The following LINGO2 variants were observed in gnomAD, a reference collection of about 807,000 sequenced individuals.
LINGO2 encodes leucine-rich repeat and immunoglobulin-like domain-containing nogo receptor-interacting protein 2.
Under a neutral mutation model 30.6 loss-of-function variants are expected in LINGO2, and 14 were observed. That is an observed-to-expected ratio of 0.46 (90% CI 0.30 to 0.72). The LOEUF is 0.72. LINGO2 is among the 30% of genes least tolerant of loss of function. LINGO2 has a pLI of 0.07. For missense variants in LINGO2, 729 were observed against 751.7 expected, an observed-to-expected ratio of 0.97 and a Z score of 0.35; for synonymous variants, 317 against 288.5, an observed-to-expected ratio of 1.10 and a Z score of -1.00.
chr9:28,749,949 T>C, the LINGO2 span, among the ~76,000 whole-genome samples: 1 of 152,104 alleles, frequency 6.6e-6, no homozygotes, highest in Non-Finnish European at 1.5e-5. Flanking sequence ...GTACTTACAC[T>C]GTCAAGCTAA....
At chr9:29,147,287 A>T in the LINGO2 span, among the ~76,000 whole-genome samples, 1 of 152,086 alleles carries the variant, frequency 6.6e-6, no homozygotes, top group South Asian at 2.1e-4. Context: ...TTGTGATTCA[A>T]ATATCTGTGT....
chr9:28,310,037 T>G (rs1326320173), intron 3 of LINGO2, among the ~76,000 whole-genome samples: 1 of 152,258 alleles, frequency 6.6e-6, no homozygotes, highest in South Asian at 2.1e-4. Context: ...GAAGCTAAAC[T>G]TTTATACAGT....
chr9:28,518,909 C>T (rs887913292), intron 1 of LINGO2, among the ~76,000 whole-genome samples: 5 of 152,148 alleles, frequency 3.3e-5, no homozygotes, highest in Non-Finnish European at 7.4e-5. Context: ...ATTCTACTGG[C>T]CTGGATTTAT....
At chr9:28,424,148 G>A (rs960644445) in intron 2 of LINGO2, among the ~76,000 whole-genome samples, 1 of 152,116 alleles carries the variant, frequency 6.6e-6, no homozygotes, top group Non-Finnish European at 1.5e-5. Flanking sequence ...AGCCATGACA[G>A]ATTGTGAAAA....
intron 4 of LINGO2, among the ~76,000 whole-genome samples, chr9:28,137,726 A>G (rs16912518): frequency 0.076 from 11,592 of 152,172 alleles, 549 homozygotes; most frequent in African/African-American, 0.13. Flanking sequence ...AATGATAGGC[A>G]TATTACCTTT....
exon 6 of LINGO2, chr9:27,950,128 G>C: frequency 6.2e-7 from 1 of 1,614,042 alleles, no homozygotes; most frequent in Non-Finnish European, 8.5e-7. Flanking sequence ...TCCAGGGTGA[G>C]CTGCTCCAAG....
chr9:29,079,491 G>A, the LINGO2 span, among the ~76,000 whole-genome samples: 1 of 151,826 alleles, frequency 6.6e-6, no homozygotes, highest in African/African-American at 2.4e-5. Flanking sequence ...CACATTTTCA[G>A]CTATTAAGGG....
In LINGO2 at chr9:28,169,598, T is replaced by C. The variant is rs141204606; in HGVS notation, c.-87+125610A>G. On this transcript the variant is annotated intron_variant, in intron 4 of 5. Coordinates refer to ENST00000379992, the Ensembl canonical transcript of LINGO2. ...CACTGTTCTGGGTTCTGATGTTACG[T>C]AGTGAATAAAATGGACAAAATCAAT... Among the ~76,000 whole-genome samples the C allele has an allele frequency of 3.4e-3, 513 of 152,298 alleles. 2 individuals are homozygous for C. The highest frequency in any genetic ancestry group is 0.011 in the African/African-American group (467 of 41,560).
At chr9:28,749,881 G>A in the LINGO2 span, among the ~76,000 whole-genome samples, 1 of 152,022 alleles carries the variant, frequency 6.6e-6, no homozygotes, top group Non-Finnish European at 1.5e-5. Context: ...TTATTGTGTT[G>A]CAAAGTGATT....
intron 4 of LINGO2, among the ~76,000 whole-genome samples, chr9:28,055,302 G>A (rs915831060): frequency 1.3e-5 from 2 of 151,954 alleles, no homozygotes; most frequent in African/African-American, 4.8e-5. Context: ...GTTTTAAATG[G>A]CTTAGTAATT....
chr9:28,878,568 T>A, the LINGO2 span, among the ~76,000 whole-genome samples: 108 of 152,256 alleles, frequency 7.1e-4, no homozygotes, highest in East Asian at 0.013. Context: ...TCCTTGATGA[T>A]CATTGATGCA....
At chr9:28,138,358 A>G (rs985523799) in intron 4 of LINGO2, among the ~76,000 whole-genome samples, 1 of 152,230 alleles carries the variant, frequency 6.6e-6, no homozygotes, top group African/African-American at 2.4e-5. Context: ...TGCTTTGTCT[A>G]CATGTATGGA....
intron 4 of LINGO2, among the ~76,000 whole-genome samples, chr9:28,041,821 TA>T (rs1824209513): frequency 6.6e-6 from 1 of 152,218 alleles, no homozygotes; most frequent in East Asian, 1.9e-4. Flanking sequence ...TAGTTATAAT[TA>T]TTGTAACTCA....
chr9:28,721,871 T>C, the LINGO2 span, among the ~76,000 whole-genome samples: 11 of 152,072 alleles, frequency 7.2e-5, no homozygotes, highest in Non-Finnish European at 1.5e-4. Flanking sequence ...CACCAAAGTC[T>C]AGCTTTGGGC....
the LINGO2 span, among the ~76,000 whole-genome samples, chr9:29,011,287 A>G: frequency 0.87 from 132,845 of 152,200 alleles, 58,613 homozygotes; most frequent in Non-Finnish European, 0.93. Context: ...CACCATTTGT[A>G]GGTGAGTGAA....
At chr9:28,721,810 TTAAAG>T in the LINGO2 span, among the ~76,000 whole-genome samples, 1 of 151,754 alleles carries the variant, frequency 6.6e-6, no homozygotes, top group Non-Finnish European at 1.5e-5. Context: ...ATCCTAGAAC[TTAAAG>T]TAAAATAAAA....
chr9:29,005,712 C>T, the LINGO2 span, among the ~76,000 whole-genome samples: 6 of 151,926 alleles, frequency 3.9e-5, no homozygotes, highest in South Asian at 2.1e-4. Context: ...TATGAAAACC[C>T]GGCCCTTCAC....
At chr9:27,943,872 T>C (rs1261486189), downstream of LINGO2, 2 of 152,114 alleles carry the variant, frequency 1.3e-5, no homozygotes, top group Non-Finnish European at 2.9e-5. Context: ...GCTCTTTTTC[T>C]CCTTCCTATT....
chr9:28,764,132 T>TAA, the LINGO2 span, among the ~76,000 whole-genome samples: 7 of 146,794 alleles, frequency 4.8e-5, no homozygotes, highest in South Asian at 2.1e-4. Context: ...GAACTCTTTT[T>TAA]AAAAAAAAAA....
Sources: gnomAD v4.1 joint callset for allele counts (sites outside exome capture counted in the v4.1 genomes callset) on GRCh38, gnomAD v4.1.1 for gene constraint, MANE v1.5 for transcripts, NCBI Gene and HGNC (gene_info 2026-07-23, HGNC 2026-07-21) for gene names.